The following CDC23 variants were observed in gnomAD, a reference collection of about 807,000 sequenced individuals.
CDC23 encodes the protein cell division cycle protein 23 homolog.
In CDC23, 26 loss-of-function variants were observed where a neutral mutation model predicts 81.7. The ratio of observed to expected loss-of-function variants is 0.32; its 90% confidence interval spans 0.23 to 0.44. CDC23 has a LOEUF of 0.44. Among genes scored for constraint, CDC23 ranks in the 20% least tolerant of loss-of-function variants. The pLI is 1.00. For synonymous variants in CDC23, 267 were observed against 270.8 expected (o/e 0.99, Z 0.14); for missense variants, 519 against 728.0 (o/e 0.71, Z 3.30).
intron 1 of CDC23, 36 bp from the exon 2 acceptor site, chr5:138,213,099 G>A (rs367942451): frequency 3.6e-4 from 574 of 1,613,780 alleles, no homozygotes; most frequent in East Asian, 4.5e-4. Flanking sequence ...AGCTCGACAA[G>A]CCCCCCAAGG....
intron 6 of CDC23, among the ~76,000 whole-genome samples, chr5:138,199,707 C>T (rs907062750): frequency 1.3e-5 from 2 of 152,254 alleles, no homozygotes; most frequent in Admixed American, 1.3e-4. Context: ...TCGTTAATAG[C>T]GATGCTAGTA....
intron 9 of CDC23, among the ~76,000 whole-genome samples, chr5:138,195,974 T>A (rs1179269600): frequency 3.3e-5 from 5 of 150,734 alleles, no homozygotes; most frequent in Non-Finnish European, 5.9e-5. Flanking sequence ...ATCACTCTAC[T>A]CTTAAGATTG....
chr5:138,207,103 C>T (rs1232192080), intron 2 of CDC23, among the ~76,000 whole-genome samples: 1 of 152,092 alleles, frequency 6.6e-6, no homozygotes, highest in African/African-American at 2.4e-5. Flanking sequence ...TGGTCTCAAA[C>T]TCAGGGCCTC....
chr5:138,198,902 A>G (rs1754949959), intron 6 of CDC23, 120 bp from the exon 7 acceptor site: 2 of 979,124 alleles, frequency 2.0e-6, no homozygotes, highest in Non-Finnish European at 3.0e-6. Flanking sequence ...TAGAACACCT[A>G]GTAATGAAAA....
In CDC23 at chr5:138,202,013, G is replaced by GTT; in HGVS notation, c.415+98_415+99dup. ...GCCAGGTGCTTTCCAATTTGTAATG[G>GTT]TTATCCTCAGACCATTCATATTACC... On this transcript the variant is annotated intron_variant, in intron 4 of 15. Transcript: ENST00000394886. 3 of 801,714 alleles carry GTT rather than the reference G, an allele frequency of 3.7e-6. No homozygotes were observed. In the South Asian group the frequency reaches 4.9e-5, roughly 13 times the overall value. The allele number at this position is 801,714 out of a possible 1,614,324, so 49.7% of individuals were successfully genotyped here.
intron 2 of CDC23, among the ~76,000 whole-genome samples, chr5:138,207,677 C>T (rs1755066680): frequency 2.0e-5 from 3 of 152,060 alleles, no homozygotes; most frequent in African/African-American, 7.2e-5. Context: ...AACATACAAT[C>T]CTTGGCTGAG....
chr5:138,210,738 T>G (rs1755104030), intron 2 of CDC23, among the ~76,000 whole-genome samples: 1 of 152,218 alleles, frequency 6.6e-6, no homozygotes, highest in Non-Finnish European at 1.5e-5. Flanking sequence ...CAATAGCTAA[T>G]ACTTTACAAT....
intron 9 of CDC23, among the ~76,000 whole-genome samples, chr5:138,195,202 T>C (rs1191882427): frequency 6.6e-6 from 1 of 151,860 alleles, no homozygotes; most frequent in Admixed American, 6.6e-5. Flanking sequence ...TGCATATGTA[T>C]ATATACATAT....
chr5:138,199,066 A>G (rs557629340), intron 6 of CDC23, among the ~76,000 whole-genome samples: 2 of 152,176 alleles, frequency 1.3e-5, no homozygotes, highest in Non-Finnish European at 2.9e-5. Context: ...GAAAGAAGAC[A>G]ATAGTCTAGA....
At position 138,192,399 on chromosome 5, in the gene CDC23, GAA is replaced by G. The variant is rs954998602; in HGVS notation, c.1167-13_1167-12del. 1 of 1,614,138 alleles carries G rather than the reference GAA, an allele frequency of 6.2e-7. No individual in the cohort carries two copies. Among genetic ancestry groups the G allele is most frequent in the African/African-American group, 1.3e-5 (1 of 75,038 alleles). ...ACCTCAATGGCATGTCTAAGAAATG[GAA>G]AAGACAGGTTGTTAAGAAGGCAGAA... On this transcript the variant is annotated splice_polypyrimidine_tract_variant and intron_variant, in intron 10 of 15. Coordinates refer to ENST00000394886, the MANE Select transcript of CDC23 (RefSeq NM_004661.4).
chr5:138,207,493 T>TA (rs1755064551), intron 2 of CDC23, among the ~76,000 whole-genome samples: 1 of 152,230 alleles, frequency 6.6e-6, no homozygotes, highest in African/African-American at 2.4e-5. Context: ...ATACTGGCAT[T>TA]CTATTCCTTC....
At chr5:138,197,990 C>G (rs899761222) in intron 9 of CDC23, among the ~76,000 whole-genome samples, 10 of 152,086 alleles carry the variant, frequency 6.6e-5, no homozygotes, top group African/African-American at 2.4e-4. Flanking sequence ...TGGGCTCTCA[C>G]TCTGTTGCCC....
chr5:138,191,280 G>A lies in CDC23; in HGVS notation c.1424+194C>T, dbSNP rs550020998. 3.3e-5 allele frequency among the ~76,000 whole-genome samples: 5 copies of A among 152,230 alleles called. No individual in the cohort carries two copies. In the South Asian group the frequency reaches 1.0e-3, roughly 32 times the overall value. On this transcript the variant is annotated intron_variant, in intron 13 of 15. Coordinates refer to ENST00000394886, the MANE Select transcript of CDC23 (RefSeq NM_004661.4). ...CAAAGTGCTAGAATTACAGGCATGA[G>A]CCACTGCACCTGGCCAGAAGTGGCA...
chr5:138,193,871 T>C (rs1261641053), intron 9 of CDC23, among the ~76,000 whole-genome samples: 2 of 151,056 alleles, frequency 1.3e-5, no homozygotes, highest in Non-Finnish European at 2.9e-5. Flanking sequence ...GGCAGGAGAA[T>C]CGCTTGAACC....
intron 2 of CDC23, among the ~76,000 whole-genome samples, chr5:138,209,102 T>C (rs116919073): frequency 2.0e-5 from 3 of 150,196 alleles, no homozygotes; most frequent in East Asian, 4.1e-4. Context: ...GAAGCCACAA[T>C]TGGTCCTAGT....
chr5:138,198,757 G>A lies in CDC23; in HGVS notation c.680C>T (p.Thr227Ile). The A allele has an allele frequency of 1.2e-6, 2 of 1,614,018 alleles. No homozygotes were observed. The highest frequency in any genetic ancestry group is 1.7e-6 in the Non-Finnish European group (2 of 1,179,994). Residue 227 changes from threonine (T) to isoleucine (I), a missense_variant, in exon 7 of 16, where the codon ACC becomes ATC. Thr to Ile is a moderately conservative substitution (Grantham distance 89). Coordinates refer to ENST00000394886, the MANE Select transcript of CDC23 (RefSeq NM_004661.4). ...EMLKFLSLPD[T>I]WMKEFFLAHI... ...AGCCAGAAAAAACTCTTTCATCCAG[G>A]TGTCTGGCAAAGACAGGAACTTCAG... is the stretch of plus-strand genomic sequence containing the variant.
At chr5:138,190,644 A>G (rs1754815943) in intron 13 of CDC23, among the ~76,000 whole-genome samples, 1 of 152,116 alleles carries the variant, frequency 6.6e-6, no homozygotes, top group South Asian at 2.1e-4. Flanking sequence ...AAGCGCCTGT[A>G]ATGCCAGCTA....
At chr5:138,201,582 A>G in intron 4 of CDC23, 134 bp from the exon 5 acceptor site, 1 of 632,100 alleles carries the variant, frequency 1.6e-6, no homozygotes, top group Admixed American at 3.3e-5. Flanking sequence ...CCTGGGCTCA[A>G]GTGATCCTTC....
chr5:138,198,360 T>G, intron 8 of CDC23, 66 bp downstream of exon 8: 1 of 1,584,400 alleles, frequency 6.3e-7, no homozygotes, highest in Non-Finnish European at 8.7e-7. Flanking sequence ...TACAAGTGGG[T>G]GACAATCCAA....
Sources: gnomAD v4.1 joint callset for allele counts (sites outside exome capture counted in the v4.1 genomes callset) on GRCh38, gnomAD v4.1.1 for gene constraint, MANE v1.5 for transcripts, NCBI Gene and HGNC (gene_info 2026-07-23, HGNC 2026-07-21) for gene names.